Variants in GRIK4 observed in about 807,000 individuals in gnomAD.
GRIK4 encodes glutamate ionotropic receptor kainate type subunit 4, also known as glutamate receptor ionotropic, kainate 4.
In GRIK4, 40 loss-of-function variants were observed where a neutral mutation model predicts 104.9. The ratio of observed to expected loss-of-function variants is 0.38; its 90% CI spans 0.30 to 0.50. The LOEUF is 0.50. Among genes scored for constraint, GRIK4 ranks in the 20% least tolerant of loss-of-function variants. The pLI, the probability that GRIK4 is intolerant of heterozygous loss-of-function variation, is 0.93. For synonymous variants in GRIK4, 485 were observed against 524.9 expected (o/e 0.92, Z 1.04); for missense variants, 1,047 against 1,308.1 (o/e 0.80, Z 3.08).
intron 9 of GRIK4, chr11:120,871,452 T>G: frequency 5.4e-6 from 2 of 367,980 alleles, no homozygotes; most frequent in African/African-American, 2.1e-5. Context: ...GAAGAGAGAG[T>G]AGAAGATGAT....
chr11:120,557,360 AG>A (rs1948197722), intron 1 of GRIK4, among the ~76,000 whole-genome samples: 1 of 152,168 alleles, frequency 6.6e-6, no homozygotes, highest in Non-Finnish European at 1.5e-5. Context: ...GTCTCCTCAC[AG>A]GCTGTGCCTG....
chr11:120,968,550 C>T (rs1055283237), intron 19 of GRIK4, among the ~76,000 whole-genome samples: 16 of 152,154 alleles, frequency 1.1e-4, no homozygotes, highest in Non-Finnish European at 1.3e-4. Flanking sequence ...AGTGTCTATA[C>T]GTGGATCTCT....
intron 3 of GRIK4, among the ~76,000 whole-genome samples, chr11:120,749,615 A>G (rs904662702): frequency 7.2e-5 from 11 of 152,198 alleles, no homozygotes; most frequent in African/African-American, 2.7e-4. Context: ...CCAGCTGAGA[A>G]TTGAGGGTGT....
intron 1 of GRIK4, among the ~76,000 whole-genome samples, chr11:120,595,717 T>G (rs1181705563): frequency 2.6e-5 from 4 of 152,260 alleles, no homozygotes; most frequent in African/African-American, 9.6e-5. Context: ...CCCACTCTTC[T>G]GTAGGTCTCA....
chr11:120,552,028 A>G (rs1948145571), intron 1 of GRIK4, among the ~76,000 whole-genome samples: 1 of 152,214 alleles, frequency 6.6e-6, no homozygotes, highest in South Asian at 2.1e-4. Flanking sequence ...AACTGTAAAC[A>G]TAAGTAAGTG....
intron 1 of GRIK4, among the ~76,000 whole-genome samples, chr11:120,603,299 C>G (rs4936528): frequency 0.25 from 38,662 of 152,146 alleles, 5,515 homozygotes; most frequent in Non-Finnish European, 0.31. Context: ...TTGGCTTGGT[C>G]GGCTCGAGAG....
chr11:120,631,318 A>G (rs552815463), intron 1 of GRIK4, among the ~76,000 whole-genome samples: 105 of 152,256 alleles, frequency 6.9e-4, no homozygotes, highest in Non-Finnish European at 1.4e-3. Flanking sequence ...GCAGATGCTG[A>G]CCCTAGGGTC....
chr11:120,731,939 T>C (rs1951138880), intron 3 of GRIK4, among the ~76,000 whole-genome samples: 1 of 152,212 alleles, frequency 6.6e-6, no homozygotes, highest in Admixed American at 6.5e-5. Context: ...TTGGATCTTC[T>C]TTCTTTTTTT....
intron 13 of GRIK4, among the ~76,000 whole-genome samples, chr11:120,931,283 T>C (rs1943475952): frequency 6.6e-6 from 1 of 152,110 alleles, no homozygotes; most frequent in African/African-American, 2.4e-5. Flanking sequence ...CTGCAGGGAC[T>C]GGAGAGAATG....
intron 1 of GRIK4, among the ~76,000 whole-genome samples, chr11:120,569,100 G>A (rs555680316): frequency 6.6e-5 from 10 of 152,358 alleles, no homozygotes; most frequent in Admixed American, 3.9e-4. Flanking sequence ...AAGTGGCACA[G>A]GTGCTTAGAG....
intron 4 of GRIK4, among the ~76,000 whole-genome samples, chr11:120,809,775 G>A (rs1207756531): frequency 6.6e-6 from 1 of 152,196 alleles, no homozygotes; most frequent in Admixed American, 6.5e-5. Context: ...ACATTGGGAA[G>A]GTTGAGGGGC....
intron 4 of GRIK4, among the ~76,000 whole-genome samples, chr11:120,805,679 C>A (rs1002654144): frequency 6.6e-6 from 1 of 152,184 alleles, no homozygotes; most frequent in African/African-American, 2.4e-5. Context: ...GAGTGCCCCT[C>A]CACAGTGGGT....
rs534118074 is a variant in GRIK4 at position 120,897,800 on chromosome 11, C to A, written c.1165-732C>A. ...CCAATGAGGTTTCTATTATTATCCC[C>A]ATTTTTTAGATGAGAAAACATGCTC... On this transcript the variant is annotated intron_variant, in intron 11 of 20. Transcript: ENST00000527524. Among the ~76,000 whole-genome samples, 92 of 151,806 alleles carry A rather than the reference C, an allele frequency of 6.1e-4. 1 individual carries two copies. The highest frequency in any genetic ancestry group is 2.1e-3 in the African/African-American group (88 of 41,396).
intron 8 of GRIK4, among the ~76,000 whole-genome samples, chr11:120,841,506 C>T (rs150133457): frequency 6.6e-6 from 1 of 152,206 alleles, no homozygotes; most frequent in Admixed American, 6.5e-5. Flanking sequence ...TTTGTGTATC[C>T]GTTCATTCAT....
chr11:120,937,961 T>C (rs1229978686), intron 13 of GRIK4, among the ~76,000 whole-genome samples: 1 of 152,188 alleles, frequency 6.6e-6, no homozygotes, highest in Admixed American at 6.5e-5. Context: ...GTTAATTGAT[T>C]TGGATTTTTT....
intron 1 of GRIK4, among the ~76,000 whole-genome samples, chr11:120,637,361 C>G (rs1256212083): frequency 6.6e-6 from 1 of 152,036 alleles, no homozygotes; most frequent in African/African-American, 2.4e-5. Context: ...GTTTTTTTTC[C>G]CCCCTGGCAC....
intron 3 of GRIK4, among the ~76,000 whole-genome samples, chr11:120,760,114 TCTTAGA>T (rs746127220): frequency 4.6e-5 from 7 of 151,914 alleles, no homozygotes; most frequent in Non-Finnish European, 1.0e-4. Flanking sequence ...CATTTTGTAT[TCTTAGA>T]CTTATGTCTC....
chr11:120,831,727 G>A, intron 6 of GRIK4, 125 bp from the exon 7 acceptor site: 2 of 658,856 alleles, frequency 3.0e-6, no homozygotes, highest in Non-Finnish European at 5.4e-6. Flanking sequence ...CCTTAATGCT[G>A]TCAGTGGGGC....
intron 3 of GRIK4, among the ~76,000 whole-genome samples, chr11:120,666,000 C>A (rs555044878): frequency 6.6e-6 from 1 of 152,274 alleles, no homozygotes; most frequent in South Asian, 2.1e-4. Flanking sequence ...ATCTCTTCTA[C>A]TGAGAGGTTA....
Sources: gnomAD v4.1 joint callset for allele counts (sites outside exome capture counted in the v4.1 genomes callset) on GRCh38, gnomAD v4.1.1 for gene constraint, MANE v1.5 for transcripts, NCBI Gene and HGNC (gene_info 2026-07-23, HGNC 2026-07-21) for gene names.